Variants in SCN2A observed in about 807,000 individuals in gnomAD.
SCN2A encodes sodium voltage-gated channel alpha subunit 2, also known as sodium channel protein type 2 subunit alpha.
A neutral mutation model predicts 188.7 loss-of-function variants in SCN2A; 20 were observed. That is an observed-to-expected ratio of 0.11 (90% CI 0.07 to 0.15). The LOEUF (loss-of-function observed/expected upper bound fraction) is 0.15, where lower values mean the gene tolerates loss of function less well. Ranked by LOEUF, SCN2A falls within the 10% of genes least tolerant of loss-of-function variation. The probability of loss-of-function intolerance (pLI) is 1.00; values close to 1 mark genes in which losing one functional copy is unlikely to be tolerated. For synonymous variants in SCN2A, 804 were observed against 833.1 expected (o/e 0.97, Z 0.60); for missense variants, 1,278 against 2,445.0 (o/e 0.52, Z 10.07).
At chr2:165,359,897 A>G (rs192465643) in intron 17 of SCN2A, among the ~76,000 whole-genome samples, 1 of 152,108 alleles carries the variant, frequency 6.6e-6, no homozygotes, top group Admixed American at 6.6e-5. Flanking sequence ...TTAAAATCCT[A>G]TTATTTGTGG....
chr2:165,292,510 T>G (rs983206144), intron 1 of SCN2A, among the ~76,000 whole-genome samples: 5 of 152,174 alleles, frequency 3.3e-5, no homozygotes, highest in Non-Finnish European at 7.4e-5. Context: ...CCACGGTGTC[T>G]CTTGTTCCCA....
intron 16 of SCN2A, among the ~76,000 whole-genome samples, chr2:165,349,674 AG>A (rs1699787035): frequency 6.6e-6 from 1 of 152,216 alleles, no homozygotes; most frequent in Non-Finnish European, 1.5e-5. Flanking sequence ...CTTTTAAGAG[AG>A]AAAAATTAAA....
chr2:165,368,254 C>T (rs1700833119), intron 19 of SCN2A, among the ~76,000 whole-genome samples: 1 of 152,170 alleles, frequency 6.6e-6, no homozygotes, highest in Non-Finnish European at 1.5e-5. Context: ...CAAGCTACTT[C>T]TCTCTAATGT....
At position 165,313,929 on chromosome 2, in the gene SCN2A, A is replaced by G. The variant is rs1697581309; in HGVS notation, c.1204A>G (p.Met402Val). The change falls in exon 10 of 27, where the codon ATG becomes GTG. Residue 402 changes from methionine to valine, a missense_variant. Transcript: ENST00000375437. ...ACTACGTGCTGCTGGGAAAACGTAC[A>G]TGATATTTTTTGTGCTGGTCATTTT... ...LTLRAAGKTY[M>V]IFFVLVIFLG... 4 of 1,613,862 alleles carry G rather than the reference A, an allele frequency of 2.5e-6. No homozygotes were observed. The highest frequency in any genetic ancestry group is 2.5e-6 in the Non-Finnish European group (3 of 1,179,800).
intron 1 of SCN2A, among the ~76,000 whole-genome samples, chr2:165,278,533 C>G (rs1695443792): frequency 6.6e-6 from 1 of 152,168 alleles, no homozygotes; most frequent in Non-Finnish European, 1.5e-5. Context: ...TTACCTCCAC[C>G]TAGTCTCTCC....
At chr2:165,373,098 A>G in intron 20 of SCN2A, 127 bp from the exon 21 acceptor site, 1 of 1,028,122 alleles carries the variant, frequency 9.7e-7, no homozygotes, top group South Asian at 1.3e-5. Flanking sequence ...TGTTTTTAAC[A>G]AGACCCCTGG....
chr2:165,331,801 A>C (rs1190533767), intron 14 of SCN2A, among the ~76,000 whole-genome samples: 3 of 152,178 alleles, frequency 2.0e-5, no homozygotes, highest in Non-Finnish European at 1.5e-5. Flanking sequence ...ATTTATTAGA[A>C]GATGATTCTG....
At chr2:165,332,554 A>G (rs1377538699) in intron 14 of SCN2A, among the ~76,000 whole-genome samples, 1 of 152,052 alleles carries the variant, frequency 6.6e-6, no homozygotes, top group Non-Finnish European at 1.5e-5. Flanking sequence ...GAAGGTCTGA[A>G]TGCTGTATCA....
At chr2:165,375,044 C>A (rs2105373523) in intron 22 of SCN2A, 78 bp downstream of exon 22, 1 of 1,257,720 alleles carries the variant, frequency 8.0e-7, no homozygotes, top group African/African-American at 1.5e-5. Flanking sequence ...AATGAGATAT[C>A]CACCTGTTAG....
chr2:165,389,625 G>T lies in SCN2A; in HGVS notation c.5819G>T (p.Cys1940Phe), dbSNP rs755792692. 7 of 1,613,858 alleles carry T rather than the reference G, an allele frequency of 4.3e-6. No homozygotes were observed. In the African/African-American group the frequency reaches 6.7e-5, roughly 15 times the overall value. Residue 1940 changes from cysteine to phenylalanine, a missense_variant, in exon 27 of 27, where the codon TGT (cysteine) becomes TTT (phenylalanine). Cys to Phe is a radical substitution (Grantham distance 205). Coordinates refer to ENST00000375437, the MANE Select transcript of SCN2A (RefSeq NM_001040142.2). This position sits in a 1 kb window ranked among gnomAD's most constrained non-coding sequence, Gnocchi z 4.2. ...SIYKKDKGKE[C>F]DGTPIKEDTL... ...TACAAGAAAGACAAAGGCAAAGAAT[G>T]TGATGGAACACCCATCAAAGAAGAT...
At chr2:165,328,607 C>A in intron 13 of SCN2A, 1 of 636,888 alleles carries the variant, frequency 1.6e-6, no homozygotes, top group Non-Finnish European at 2.0e-6. Flanking sequence ...TAAGACATTA[C>A]TTAAAAAACC....
intron 12 of SCN2A, among the ~76,000 whole-genome samples, chr2:165,324,821 G>C (rs1344346446): frequency 6.6e-6 from 1 of 152,084 alleles, no homozygotes; most frequent in Admixed American, 6.5e-5. Context: ...GTGAAATATT[G>C]CCTCCCACTG....
intron 22 of SCN2A, among the ~76,000 whole-genome samples, chr2:165,376,699 G>GGT (rs59867116): frequency 0.17 from 25,937 of 150,506 alleles, 2,425 homozygotes; most frequent in African/African-American, 0.24. Flanking sequence ...GTTGAAAAGG[G>GGT]GTGTGTGTGT....
intron 25 of SCN2A, among the ~76,000 whole-genome samples, chr2:165,381,566 C>T (rs182999668): frequency 4.6e-5 from 7 of 151,884 alleles, no homozygotes; most frequent in South Asian, 2.1e-4. Context: ...GGAGACAGAT[C>T]GGAATAATTG....
At chr2:165,315,895 G>C (rs536839910) in intron 11 of SCN2A, 137 bp downstream of exon 11, 1 of 1,048,352 alleles carries the variant, frequency 9.5e-7, no homozygotes, top group South Asian at 1.7e-5. Context: ...AAGTGTTTTG[G>C]CTATCACTTC....
In SCN2A at chr2:165,315,540, G is replaced by A; in HGVS notation, c.1453G>A (p.Glu485Lys). The A allele has an allele frequency of 6.2e-7, 1 of 1,614,022 alleles. No homozygotes were observed. Among genetic ancestry groups the A allele is most frequent in the South Asian group, 1.1e-5 (1 of 91,082 alleles). Residue 485 changes from glutamate (E) to lysine (K), a missense_variant, in exon 11 of 27, where the codon GAG (glutamate) becomes AAG (lysine). Glu to Lys is a moderately conservative substitution (Grantham distance 56). Coordinates refer to ENST00000375437, the MANE Select transcript of SCN2A (RefSeq NM_001040142.2). ...TGCTGGTGGGATAGGAGTTTTTTCA[G>A]AGAGTTCTTCAGTAGCATCTAAGTT... Reference protein sequence around the residue: ...SGAGGIGVFSESSSVASKLSS... With the variant: ...SGAGGIGVFSKSSSVASKLSS...
chr2:165,340,370 A>G (rs1366671047), intron 14 of SCN2A, among the ~76,000 whole-genome samples: 1 of 152,260 alleles, frequency 6.6e-6, no homozygotes, highest in African/African-American at 2.4e-5. Flanking sequence ...TATTCAAGTA[A>G]TATTTGGAAA....
At chr2:165,303,919 G>T (rs1696978588) in intron 3 of SCN2A, among the ~76,000 whole-genome samples, 1 of 151,826 alleles carries the variant, frequency 6.6e-6, no homozygotes, top group East Asian at 1.9e-4. Flanking sequence ...TGTTAATGTT[G>T]AAATATATAT....
chr2:165,260,374 A>G (rs1018429151), intron 1 of SCN2A, among the ~76,000 whole-genome samples: 1 of 152,210 alleles, frequency 6.6e-6, no homozygotes, highest in African/African-American at 2.4e-5. Context: ...GTCAATGAGC[A>G]GTAATATTTT....
Sources: allele counts gnomAD v4.1 joint callset (sites outside exome capture counted in the v4.1 genomes callset), GRCh38; gene constraint gnomAD v4.1.1; non-coding constraint Gnocchi (gnomAD v3.1); transcripts MANE v1.5; gene names NCBI Gene and HGNC (gene_info 2026-07-23, HGNC 2026-07-21).